The following EPS15 variants were observed in gnomAD, a reference collection of about 807,000 sequenced individuals.
EPS15 encodes the protein epidermal growth factor receptor substrate 15.
In EPS15, 72 loss-of-function variants were observed where a neutral mutation model predicts 113.8. The observed-to-expected ratio is 0.63, with a 90% CI of 0.52 to 0.77. The LOEUF (loss-of-function observed/expected upper bound fraction) is 0.77, where lower values mean the gene tolerates loss of function less well. EPS15 is among the 30% of genes least tolerant of loss of function. The pLI is 0.00. For synonymous variants in EPS15, 344 were observed against 363.4 expected (o/e 0.95, Z 0.61); for missense variants, 1,048 against 1,045.8 (o/e 1.00, Z -0.03).
chr1:51,388,403 TAAAA>T (rs1417816535), intron 21 of EPS15, among the ~76,000 whole-genome samples: 2 of 152,090 alleles, frequency 1.3e-5, no homozygotes, highest in African/African-American at 4.8e-5. Flanking sequence ...ACATCACAAT[TAAAA>T]GAATTAGAAA....
At chr1:51,382,848 CA>C (rs376466078) in intron 21 of EPS15, among the ~76,000 whole-genome samples, 2 of 152,128 alleles carry the variant, frequency 1.3e-5, no homozygotes, top group African/African-American at 4.8e-5. Context: ...CAAACTCTTC[CA>C]AAAAATTGAA....
chr1:51,513,358 C>A (rs915030561), intron 1 of EPS15, among the ~76,000 whole-genome samples: 1 of 151,972 alleles, frequency 6.6e-6, no homozygotes, highest in Admixed American at 6.5e-5. Flanking sequence ...GTTTTGAAAA[C>A]AATAAGGGAG....
At chr1:51,450,960 CAT>C (rs1362346156) in intron 8 of EPS15, among the ~76,000 whole-genome samples, 1 of 151,638 alleles carries the variant, frequency 6.6e-6, no homozygotes, top group Non-Finnish European at 1.5e-5. Context: ...TGCCTTCAGG[CAT>C]ATAATTGCCA....
At chr1:51,391,991 T>C (rs1467422325) in intron 21 of EPS15, among the ~76,000 whole-genome samples, 2 of 152,090 alleles carry the variant, frequency 1.3e-5, no homozygotes, top group South Asian at 2.1e-4. Flanking sequence ...ACTAGAGATA[T>C]AGATCAGTGT....
intron 1 of EPS15, among the ~76,000 whole-genome samples, chr1:51,492,994 A>G (rs2148539830): frequency 6.6e-6 from 1 of 152,242 alleles, no homozygotes; most frequent in South Asian, 2.1e-4. Context: ...TTGGGAGGCC[A>G]AGGCGGGCGG....
rs867082489 is a variant in EPS15 at position 51,416,837 on chromosome 1, T to C, written c.1113+4949A>G. On this transcript the variant is annotated intron_variant, in intron 13 of 24. Transcript: ENST00000371733. ...TTCATATCAATATCAGTAATATATT[T>C]TATATATTATACATAATTATATAAT... Among the ~76,000 whole-genome samples, 32 of 150,292 alleles carry C rather than the reference T, an allele frequency of 2.1e-4. No homozygotes were observed. The Middle Eastern group carries it at 0.011, about 50-fold the overall frequency.
chr1:51,485,880 C>G (rs1266143498), intron 1 of EPS15, among the ~76,000 whole-genome samples: 1 of 152,130 alleles, frequency 6.6e-6, no homozygotes, highest in Non-Finnish European at 1.5e-5. Flanking sequence ...CCACTGCAAC[C>G]TCTGCCTCCC....
chr1:51,480,782 G>T (rs944303896), intron 2 of EPS15, among the ~76,000 whole-genome samples: 1 of 152,114 alleles, frequency 6.6e-6, no homozygotes, highest in Non-Finnish European at 1.5e-5. Context: ...AAAGGGCTGG[G>T]ATTACAGGTG....
chr1:51,519,020 C>T (rs939453168), intron 1 of EPS15, among the ~76,000 whole-genome samples, 179 bp downstream of exon 1: 8 of 151,270 alleles, frequency 5.3e-5, no homozygotes, highest in African/African-American at 1.9e-4. Flanking sequence ...AGGGGGGCTC[C>T]GGCTCCGGAG....
intron 4 of EPS15, among the ~76,000 whole-genome samples, chr1:51,470,757 T>C (rs1655179903): frequency 6.6e-6 from 1 of 151,338 alleles, no homozygotes; most frequent in Non-Finnish European, 1.5e-5. Context: ...AAACTCAATA[T>C]CCAAAATCAA....
At chr1:51,369,169 T>C (rs941303061) in intron 21 of EPS15, among the ~76,000 whole-genome samples, 13 of 152,218 alleles carry the variant, frequency 8.5e-5, no homozygotes, top group Admixed American at 7.2e-4. Context: ...GAAGAATATA[T>C]AGTACCTTAC....
At chr1:51,408,797 ATTTTTTTT>A (rs34612487) in intron 14 of EPS15, among the ~76,000 whole-genome samples, 3 of 109,574 alleles carry the variant, frequency 2.7e-5, no homozygotes, top group East Asian at 5.3e-4. Context: ...CTGGCTTTCA[ATTTTTTTT>A]TTTTTTTTTT....
At chr1:51,432,299 T>C (rs1651795777) in intron 12 of EPS15, among the ~76,000 whole-genome samples, 1 of 32,558 alleles carries the variant, frequency 3.1e-5, no homozygotes, top group South Asian at 1.1e-3. Flanking sequence ...CCACATAGAT[T>C]ATGTATGTAT....
At chr1:51,467,018 T>TA (rs1173260820) in intron 5 of EPS15, among the ~76,000 whole-genome samples, 1 of 152,074 alleles carries the variant, frequency 6.6e-6, no homozygotes, top group South Asian at 2.1e-4. Context: ...AAACAGACAT[T>TA]CACATAAAGG....
chr1:51,502,686 C>T lies in EPS15; in HGVS notation c.33+16513G>A, dbSNP rs112592420. On this transcript the variant is annotated intron_variant, in intron 1 of 24. Transcript: ENST00000371733. The stretch of plus-strand genomic sequence containing the variant: ...AATTTTTGTTTTTATACACTTCCAA[C>T]GAAGAATCTGTAAATGAAATTAAGA... Among the ~76,000 whole-genome samples the T allele has an allele frequency of 7.1e-3, 1,077 of 152,164 alleles. 7 individuals carry two copies. Among genetic ancestry groups the T allele is most frequent in the African/African-American group, 0.025 (1,032 of 41,530 alleles).
chr1:51,501,870 G>A (rs1003998263), intron 1 of EPS15, among the ~76,000 whole-genome samples: 3 of 152,148 alleles, frequency 2.0e-5, no homozygotes, highest in Non-Finnish European at 2.9e-5. Context: ...GCAGGGGAGA[G>A]TCTAATAATA....
rs1372387851 is a variant in EPS15 at position 51,431,019 on chromosome 1, CACACACACAA to C, written c.1041-9171_1041-9162del. On this transcript the variant is annotated intron_variant, in intron 12 of 24. Transcript: ENST00000371733. ...ACACACACACACACACACACACACA[CACACACACAA>C]AAATAAAACTTGCCTTAATTATATA... Among the ~76,000 whole-genome samples the C allele has an allele frequency of 5.4e-3, 722 of 133,588 alleles. 12 individuals are homozygous for C. Among genetic ancestry groups the C allele is most frequent in the African/African-American group, 0.018 (642 of 34,826 alleles). 87.6% of individuals were successfully genotyped at this position (133,588 alleles called of 152,430 possible).
intron 1 of EPS15, among the ~76,000 whole-genome samples, chr1:51,481,815 T>C (rs1644025390): frequency 6.6e-6 from 1 of 152,184 alleles, no homozygotes; most frequent in Non-Finnish European, 1.5e-5. Context: ...TCCATTAAAT[T>C]CACACTACAG....
intron 12 of EPS15, among the ~76,000 whole-genome samples, chr1:51,425,921 T>C (rs1189534488): frequency 1.3e-5 from 2 of 152,340 alleles, no homozygotes; most frequent in Non-Finnish European, 2.9e-5. Flanking sequence ...TAAAAAAGGT[T>C]AGAAAACACT....
Sources: allele counts gnomAD v4.1 joint callset (sites outside exome capture counted in the v4.1 genomes callset), GRCh38; gene constraint gnomAD v4.1.1; transcripts MANE v1.5; gene names NCBI Gene and HGNC (gene_info 2026-07-23, HGNC 2026-07-21).